Variants in CLASP2 observed in about 807,000 individuals in gnomAD.
CLASP2 encodes CLIP-associating protein 2.
CLASP2 carries 47 observed loss-of-function variants against 194.4 expected under a neutral mutation model. That is an observed-to-expected ratio of 0.24 (90% confidence interval 0.19 to 0.31). CLASP2 has a LOEUF of 0.31. Among genes scored for constraint, CLASP2 ranks in the 10% least tolerant of loss-of-function variants. CLASP2 has a pLI of 1.00. For synonymous variants in CLASP2, 619 were observed against 633.5 expected (o/e 0.98, Z 0.34); for missense variants, 1,445 against 1,823.6 (o/e 0.79, Z 3.78).
Position 33,510,584 on chromosome 3 carries a change from G to A in CLASP2, c.4291C>T (p.Pro1431Ser). 6.2e-7 allele frequency: 1 copy of A among 1,613,802 alleles called. No homozygotes were observed. The highest frequency in any genetic ancestry group is 8.5e-7 in the Non-Finnish European group (1 of 1,179,824). ...VSKETLNLLL[P>S]EIMPGLIQGY... ...TGTATTAGACCTGGCATAATCTCTG[G>A]CAAAAGCAGGTTTAGGGTTTCCTTG... Residue 1431 changes from proline (P) to serine (S), a missense_variant, in exon 37 of 39, where the codon CCA becomes TCA. Around this residue, in one of 4 missense-constraint regions of CLASP2, gnomAD observed 732 missense variants for 987.9 expected, o/e 0.74. Transcript: ENST00000682230.
At chr3:33,550,262 G>C (rs1053697487) in intron 30 of CLASP2, among the ~76,000 whole-genome samples, 1 of 151,746 alleles carries the variant, frequency 6.6e-6, no homozygotes, top group African/African-American at 2.4e-5. Flanking sequence ...TGGGTGTGGT[G>C]GTGGGTGCCT....
chr3:33,654,438 T>C (rs1464860394), intron 7 of CLASP2, among the ~76,000 whole-genome samples: 8 of 151,984 alleles, frequency 5.3e-5, no homozygotes, highest in South Asian at 2.1e-4. Context: ...TCCCAGAATA[T>C]AGAATAAGAG....
At chr3:33,685,692 A>G (rs1189763482) in intron 5 of CLASP2, among the ~76,000 whole-genome samples, 1 of 152,214 alleles carries the variant, frequency 6.6e-6, no homozygotes, top group Non-Finnish European at 1.5e-5. Flanking sequence ...ATTATGCTAA[A>G]TAAACAAGCC....
At chr3:33,529,635 T>TAAAC (rs1198937541) in intron 34 of CLASP2, among the ~76,000 whole-genome samples, 1 of 152,188 alleles carries the variant, frequency 6.6e-6, no homozygotes, top group Non-Finnish European at 1.5e-5. Flanking sequence ...AGTCTAGTCC[T>TAAAC]ACACAGGGTC....
chr3:33,708,295 T>C (rs529733388), intron 1 of CLASP2, among the ~76,000 whole-genome samples: 145 of 151,690 alleles, frequency 9.6e-4, no homozygotes, highest in Middle Eastern at 3.4e-3. Flanking sequence ...TTTTTTTTTT[T>C]TTTAAATATT....
chr3:33,613,891 A>T (rs940440905), intron 12 of CLASP2, among the ~76,000 whole-genome samples: 31 of 152,218 alleles, frequency 2.0e-4, no homozygotes, highest in Admixed American at 3.3e-4. Context: ...GGATGGAGAG[A>T]TAAACTAACC....
intron 25 of CLASP2, among the ~76,000 whole-genome samples, chr3:33,572,267 T>C (rs1414665749): frequency 6.6e-6 from 1 of 152,194 alleles, no homozygotes; most frequent in Non-Finnish European, 1.5e-5. Flanking sequence ...TAACTTAATC[T>C]TGATGGGCTG....
At chr3:33,690,076 A>C (rs2091174887) in intron 2 of CLASP2, 144 bp from the exon 3 acceptor site, 1 of 490,326 alleles carries the variant, frequency 2.0e-6, no homozygotes, top group Non-Finnish European at 3.5e-6. Flanking sequence ...TTTACACATG[A>C]ATCCAATAAA....
intron 34 of CLASP2, among the ~76,000 whole-genome samples, chr3:33,525,914 G>A (rs1295810501): frequency 2.0e-5 from 3 of 152,204 alleles, no homozygotes; most frequent in African/African-American, 7.2e-5. Flanking sequence ...ACCTCCCTAA[G>A]AAGGAGCTCC....
intron 7 of CLASP2, chr3:33,645,310 C>T (rs1244322204): frequency 1.3e-6 from 1 of 765,230 alleles, no homozygotes; most frequent in East Asian, 2.4e-5. Flanking sequence ...AAATCAGTCG[C>T]CTCATTCCTC....
chr3:33,703,318 A>G (rs2092489041), intron 1 of CLASP2, among the ~76,000 whole-genome samples: 1 of 152,240 alleles, frequency 6.6e-6, no homozygotes, highest in African/African-American at 2.4e-5. Context: ...ACCAAAAAAG[A>G]TGTAAGATAT....
chr3:33,627,762 G>C (rs1297014903), intron 9 of CLASP2, among the ~76,000 whole-genome samples: 1 of 152,114 alleles, frequency 6.6e-6, no homozygotes, highest in African/African-American at 2.4e-5. Flanking sequence ...AAAAGAAAAT[G>C]AAAGTTTATA....
At position 33,554,001 on chromosome 3, in the gene CLASP2, C is replaced by T. The variant is rs141534337; in HGVS notation, c.3010-2606G>A. On this transcript the variant is annotated intron_variant, in intron 29 of 38. Transcript: ENST00000682230. Reference sequence around the variant, plus strand: ...CAGCACTTTGAAAGGCTGAGGTGGGCGGATCACCTGATGTCAGGAAGTCAA... The same window carrying T: ...CAGCACTTTGAAAGGCTGAGGTGGGTGGATCACCTGATGTCAGGAAGTCAA... 3.6e-4 allele frequency among the ~76,000 whole-genome samples: 54 copies of T among 152,108 alleles called. No homozygotes were observed. In the East Asian group the frequency reaches 7.4e-3, roughly 21 times the overall value.
At chr3:33,684,060 A>G (rs1474513204) in intron 6 of CLASP2, among the ~76,000 whole-genome samples, 2 of 151,858 alleles carry the variant, frequency 1.3e-5, no homozygotes, top group Non-Finnish European at 2.9e-5. Context: ...CCTGACCAAC[A>G]TGGAAAAACC....
chr3:33,602,164 C>A (rs2072420369), intron 18 of CLASP2, among the ~76,000 whole-genome samples: 1 of 152,074 alleles, frequency 6.6e-6, no homozygotes, highest in African/African-American at 2.4e-5. Flanking sequence ...CAGGCATGAG[C>A]CACCATGCCC....
chr3:33,514,357 T>C (rs1461967519), intron 36 of CLASP2, among the ~76,000 whole-genome samples: 1 of 152,194 alleles, frequency 6.6e-6, no homozygotes, highest in African/African-American at 2.4e-5. Flanking sequence ...TTAATGCTGA[T>C]GAAGTCCAAA....
At position 33,644,832 on chromosome 3, in the gene CLASP2, G is replaced by C; in HGVS notation, c.787C>G (p.Pro263Ala). Reference sequence around the variant, plus strand: ...GGATTTCCGGATGTTTTAGGTGCAGGAACCTTGAAGGCTGATGCAGCTGAT... The same window carrying C: ...GGATTTCCGGATGTTTTAGGTGCAGCAACCTTGAAGGCTGATGCAGCTGAT... ...PSSAASAFKV[P>A]APKTSGNPAN... Residue 263 changes from proline to alanine, a missense_variant, in exon 8 of 39, where the codon CCT becomes GCT. Transcript: ENST00000682230. The C allele has an allele frequency of 1.2e-6, 2 of 1,612,194 alleles. No homozygotes were observed. The highest frequency in any genetic ancestry group is 1.7e-6 in the Non-Finnish European group (2 of 1,179,090).
chr3:33,705,074 T>C lies in CLASP2; in HGVS notation c.196-8141A>G, dbSNP rs1047334743. Among the ~76,000 whole-genome samples the C allele has an allele frequency of 5.9e-5, 9 of 152,228 alleles. No homozygotes were observed. In the East Asian group the frequency reaches 7.7e-4, roughly 13 times the overall value. On this transcript the variant is annotated intron_variant, in intron 1 of 38. Coordinates refer to ENST00000682230, the MANE Select transcript of CLASP2 (RefSeq NM_001365631.1). ...ACCCAAAGGAAGTGACTCAAACAGA[T>C]ACAGCCATACATACTTGTACGTCAA...
At chr3:33,499,352 C>G (rs375806167) in intron 38 of CLASP2, among the ~76,000 whole-genome samples, 1 of 137,068 alleles carries the variant, frequency 7.3e-6, no homozygotes, top group Non-Finnish European at 1.6e-5. Flanking sequence ...TAGGGCAGTT[C>G]TTTTTTTTTT....
Sources: gnomAD v4.1 joint callset for allele counts (sites outside exome capture counted in the v4.1 genomes callset) on GRCh38, gnomAD v4.1.1 for gene constraint, gnomAD v4.1.1 regional missense constraint, MANE v1.5 for transcripts, NCBI Gene and HGNC (gene_info 2026-07-23, HGNC 2026-07-21) for gene names.